Variants in GPM6A observed in about 807,000 individuals in gnomAD.
GPM6A encodes glycoprotein M6A.
GPM6A carries 7 observed loss-of-function variants against 32.1 expected under a neutral mutation model. The ratio of observed to expected loss-of-function variants is 0.22; its 90% CI spans 0.12 to 0.41. The LOEUF is 0.41. GPM6A is among the 10% of genes least tolerant of loss of function. The pLI is 1.00. For synonymous variants in GPM6A, 130 were observed against 123.4 expected, an observed-to-expected ratio of 1.05 and a Z score of -0.35; for missense variants, 235 against 347.2, an observed-to-expected ratio of 0.68 and a Z score of 2.57.
chr4:175,965,977 T>C (rs921402936), intron 1 of GPM6A, among the ~76,000 whole-genome samples: 4 of 152,100 alleles, frequency 2.6e-5, no homozygotes, highest in African/African-American at 9.7e-5. Flanking sequence ...TACAAACAAC[T>C]CTATGCCCAC....
intron 1 of GPM6A, among the ~76,000 whole-genome samples, chr4:175,892,254 C>T (rs1222502696): frequency 6.6e-6 from 1 of 152,134 alleles, no homozygotes; most frequent in Non-Finnish European, 1.5e-5. Flanking sequence ...TCAAGATACC[C>T]TCTTATTTCA....
At chr4:175,726,685 A>C (rs1267130662) in intron 1 of GPM6A, among the ~76,000 whole-genome samples, 1 of 152,218 alleles carries the variant, frequency 6.6e-6, no homozygotes. Context: ...TAAAAGACAC[A>C]AAAACTAAAA....
chr4:175,637,001 T>A (rs1239341061), intron 6 of GPM6A, among the ~76,000 whole-genome samples: 41 of 132,460 alleles, frequency 3.1e-4, no homozygotes, highest in African/African-American at 1.1e-3. Context: ...AGATAAAAAA[T>A]ATATTTATAT....
chr4:175,693,667 T>C (rs1323752330), intron 2 of GPM6A, among the ~76,000 whole-genome samples: 1 of 152,204 alleles, frequency 6.6e-6, no homozygotes, highest in Non-Finnish European at 1.5e-5. Flanking sequence ...TCTTTCTCTC[T>C]GAACCATAAA....
chr4:175,939,187 A>C (rs773288582), intron 1 of GPM6A, among the ~76,000 whole-genome samples: 47 of 152,212 alleles, frequency 3.1e-4, no homozygotes, highest in Non-Finnish European at 5.4e-4. Flanking sequence ...TTGAATTCAG[A>C]ATGAATGCAA....
At chr4:175,899,115 G>A (rs1052695157) in intron 1 of GPM6A, among the ~76,000 whole-genome samples, 2 of 152,066 alleles carry the variant, frequency 1.3e-5, no homozygotes, top group African/African-American at 4.8e-5. Context: ...ACCCACAGAC[G>A]AATTATTTGC....
intron 1 of GPM6A, among the ~76,000 whole-genome samples, chr4:175,835,215 A>C (rs185191184): frequency 1.3e-5 from 2 of 152,312 alleles, no homozygotes; most frequent in Admixed American, 1.3e-4. Context: ...AGCACATGAG[A>C]ATATCATACA....
chr4:175,676,230 C>G (rs77588831), intron 2 of GPM6A, among the ~76,000 whole-genome samples: 2 of 152,084 alleles, frequency 1.3e-5, no homozygotes, highest in Non-Finnish European at 2.9e-5. Context: ...ATAAATTACC[C>G]GGTCTCAGGT....
intron 1 of GPM6A, among the ~76,000 whole-genome samples, chr4:175,710,349 G>T (rs1745460153): frequency 6.6e-6 from 1 of 151,952 alleles, no homozygotes; most frequent in Non-Finnish European, 1.5e-5. Context: ...TTCTAATTCT[G>T]ATTTGAGTGA....
At chr4:175,794,654 A>G (rs1029132477) in intron 1 of GPM6A, among the ~76,000 whole-genome samples, 1 of 152,220 alleles carries the variant, frequency 6.6e-6, no homozygotes, top group Non-Finnish European at 1.5e-5. Context: ...TGCATGACTT[A>G]TGATGAATAT....
At chr4:175,812,957 A>G, upstream of GPM6A, 1 of 985,390 alleles carries the variant, frequency 1.0e-6, no homozygotes, top group Non-Finnish European at 1.2e-6. Context: ...TTGTAATCCC[A>G]CACCTTTGAG....
intron 1 of GPM6A, among the ~76,000 whole-genome samples, chr4:175,735,504 A>G (rs773138845): frequency 2.6e-5 from 4 of 152,200 alleles, no homozygotes; most frequent in Non-Finnish European, 2.9e-5. Flanking sequence ...TCATTAATCA[A>G]AAGTAGAATA....
intron 1 of GPM6A, among the ~76,000 whole-genome samples, chr4:175,954,661 T>C (rs1739926394): frequency 6.6e-6 from 1 of 152,216 alleles, no homozygotes; most frequent in African/African-American, 2.4e-5. Context: ...GAAGTCATCA[T>C]TTCTGTTTTC....
At chr4:175,973,070 G>A (rs140512911) in intron 1 of GPM6A, among the ~76,000 whole-genome samples, 24 of 152,286 alleles carry the variant, frequency 1.6e-4, no homozygotes, top group African/African-American at 4.8e-4. Context: ...GAAAAGAGAT[G>A]ATTTATGGCA....
chr4:175,977,467 T>C (rs1471639479), intron 1 of GPM6A, among the ~76,000 whole-genome samples: 9 of 152,336 alleles, frequency 5.9e-5, no homozygotes, highest in Non-Finnish European at 4.4e-5. Context: ...TTAATTTACA[T>C]AAGCTCTTCA....
intron 4 of GPM6A, among the ~76,000 whole-genome samples, chr4:175,646,335 T>G (rs1741462587): frequency 6.6e-6 from 1 of 152,246 alleles, no homozygotes; most frequent in African/African-American, 2.4e-5. Context: ...GAATTCCTAT[T>G]AGGAGTATAT....
chr4:175,870,099 G>A (rs1473012028), intron 1 of GPM6A, among the ~76,000 whole-genome samples: 1 of 152,136 alleles, frequency 6.6e-6, no homozygotes, highest in African/African-American at 2.4e-5. Context: ...AATTGCCATA[G>A]TAGTATAGTG....
chr4:175,721,517 A>C lies in GPM6A; in HGVS notation c.38-19750T>G, dbSNP rs527279532. 3.9e-5 allele frequency among the ~76,000 whole-genome samples: 6 copies of C among 152,080 alleles called. No individual in the cohort carries two copies. The East Asian group carries it at 1.2e-3, about 29-fold the overall frequency. Reference sequence around the variant, plus strand: ...CAAGATCTAATTTAACAACTTCATTAAGAGGTGGTAAGGGGCGAAGGACTG... The same window carrying C: ...CAAGATCTAATTTAACAACTTCATTCAGAGGTGGTAAGGGGCGAAGGACTG... On this transcript the variant is annotated intron_variant, in intron 1 of 6. Transcript: ENST00000393658.
intron 1 of GPM6A, among the ~76,000 whole-genome samples, chr4:175,936,808 T>C (rs935729133): frequency 1.3e-5 from 2 of 152,076 alleles, no homozygotes; most frequent in Non-Finnish European, 2.9e-5. Context: ...GGGGGGTTCA[T>C]ATCCATAATA....
Sources: allele counts gnomAD v4.1 joint callset (sites outside exome capture counted in the v4.1 genomes callset), GRCh38; gene constraint gnomAD v4.1.1; transcripts MANE v1.5; gene names NCBI Gene and HGNC (gene_info 2026-07-23, HGNC 2026-07-21).